Variants in LSM4 observed in about 807,000 individuals in gnomAD.
The protein encoded by LSM4 is U6 snRNA-associated Sm-like protein LSm4.
A neutral mutation model predicts 22.3 loss-of-function variants in LSM4; 15 were observed. That is an observed-to-expected ratio of 0.67 (90% CI 0.45 to 1.03). The LOEUF is 1.03. Ranked by LOEUF, LSM4 falls within the 50% of genes least tolerant of loss-of-function variation. The pLI is 0.00. For missense variants in LSM4, 127 were observed against 198.0 expected (o/e 0.64, Z 2.15); for synonymous variants, 90 against 79.8 (o/e 1.13, Z -0.68).
At chr19:18,321,474 G>A (rs917090308) in intron 1 of LSM4, among the ~76,000 whole-genome samples, 1 of 152,162 alleles carries the variant, frequency 6.6e-6, no homozygotes, top group African/African-American at 2.4e-5. Context: ...CCTAGGTATA[G>A]GCCAAACTAA....
chr19:18,322,419 G>A (rs1235086739), intron 1 of LSM4, among the ~76,000 whole-genome samples: 12 of 152,040 alleles, frequency 7.9e-5, no homozygotes, highest in Non-Finnish European at 1.2e-4. Flanking sequence ...TTTGTATTGG[G>A]AGGATGTACT....
At chr19:18,319,649 G>A (rs1281170401) in intron 1 of LSM4, among the ~76,000 whole-genome samples, 4 of 152,202 alleles carry the variant, frequency 2.6e-5, no homozygotes, top group Admixed American at 2.6e-4. Context: ...TAGAGTCAAG[G>A]CAGACAGGCT....
intron 2 of LSM4, 125 bp downstream of exon 2, chr19:18,315,899 G>C (rs891340293): frequency 5.1e-6 from 4 of 779,406 alleles, no homozygotes; most frequent in Middle Eastern, 3.5e-4. Flanking sequence ...CTCCTGGGGA[G>C]GGAGAAGAGA....
intron 1 of LSM4, among the ~76,000 whole-genome samples, chr19:18,317,582 C>T (rs994344530): frequency 3.3e-5 from 5 of 152,128 alleles, no homozygotes; most frequent in African/African-American, 4.8e-5. Context: ...CTCCTGACCC[C>T]GTGATCCGCC....
At chr19:18,312,253 A>C in intron 3 of LSM4, 1 of 235,518 alleles carries the variant, frequency 4.2e-6, no homozygotes, top group Non-Finnish European at 8.5e-6. Flanking sequence ...GAGTGCAGGC[A>C]ACATCCAGGC....
chr19:18,317,080 G>C (rs576483500), intron 1 of LSM4, among the ~76,000 whole-genome samples: 5 of 152,106 alleles, frequency 3.3e-5, no homozygotes, highest in Admixed American at 2.6e-4. Context: ...GAGTGCAGTG[G>C]TGTGATCTTG....
At position 18,306,599 on chromosome 19, in the gene LSM4, CA is replaced by C; in HGVS notation, c.*864del. The C allele has an allele frequency of 6.6e-6, 1 of 152,508 alleles. No individual in the cohort carries two copies. The highest frequency in any genetic ancestry group is 3.3e-3 in the Middle Eastern group (1 of 300). The allele number at this position is 152,508 out of a possible 1,614,324, so 9.4% of individuals were successfully genotyped here. A position where few individuals can be genotyped will look rare whatever the true frequency, so the allele number is the denominator to read the frequency against. On this transcript the variant is annotated 3_prime_UTR_variant, in exon 5 of 5. Transcript: ENST00000593829. ...CCACCCAGGAGGGGGTGATGGGGAC[CA>C]TGCGTGGCCCCTGCCTGGGACTTCC... is the stretch of plus-strand genomic sequence containing the variant.
intron 4 of LSM4, among the ~76,000 whole-genome samples, chr19:18,308,597 C>CAG (rs1229509858): frequency 6.6e-6 from 1 of 152,208 alleles, no homozygotes; most frequent in African/African-American, 2.4e-5. Context: ...CTGGGAGGCT[C>CAG]AGTCGTGGGC....
chr19:18,313,758 C>G (rs537819961), intron 2 of LSM4, among the ~76,000 whole-genome samples: 144 of 152,272 alleles, frequency 9.5e-4, no homozygotes, highest in African/African-American at 3.4e-3. Context: ...TCAAGTGATC[C>G]TCCTGTCTTG....
intron 1 of LSM4, among the ~76,000 whole-genome samples, chr19:18,316,987 G>A (rs1484815200): frequency 6.6e-6 from 1 of 152,064 alleles, no homozygotes; most frequent in Non-Finnish European, 1.5e-5. Context: ...GGGCACGGTG[G>A]TGCGCATCTG....
intron 1 of LSM4, among the ~76,000 whole-genome samples, chr19:18,318,481 G>A (rs79771695): frequency 2.6e-3 from 390 of 152,374 alleles, no homozygotes; most frequent in African/African-American, 6.2e-3. Flanking sequence ...GCGGCTGGGT[G>A]TGCATCTGAC....
chr19:18,319,013 C>T (rs1394887085), intron 1 of LSM4, among the ~76,000 whole-genome samples: 8 of 152,182 alleles, frequency 5.3e-5, no homozygotes, highest in Middle Eastern at 6.8e-3. Flanking sequence ...GAGGCTGAGG[C>T]GGGCAGATCA....
chr19:18,310,112 G>A lies in LSM4; in HGVS notation c.145-251C>T, dbSNP rs143529566. ...CGCAGCCCCCATTGTGCACTCACAA[G>A]GAAGACTGGCTCCTATCCTCTGCCC... On this transcript the variant is annotated intron_variant, in intron 3 of 4. Transcript: ENST00000593829. The A allele has an allele frequency of 5.0e-5, 26 of 520,764 alleles. No homozygotes were observed. The South Asian group carries it at 5.8e-4, about 12-fold the overall frequency. 32.3% of individuals were successfully genotyped at this position (520,764 alleles called of 1,614,324 possible). A position where few individuals can be genotyped will look rare whatever the true frequency, so the allele number is the denominator to read the frequency against.
At chr19:18,316,376 CTG>C (rs1970357335) in intron 1 of LSM4, 1 of 206,652 alleles carries the variant, frequency 4.8e-6, no homozygotes, top group Admixed American at 6.9e-5. Flanking sequence ...GAGTCTCGCT[CTG>C]TCACCCAGGC....
chr19:18,322,964 C>A lies in LSM4; in HGVS notation c.3+54G>T, dbSNP rs1455767497. The stretch of plus-strand genomic sequence containing the variant: ...CCACAGCGCCCGCCCGCAGGGATCC[C>A]AACGACTGCTGTTCCCGCCTCCCGG... On this transcript the variant is annotated intron_variant, in intron 1 of 4. Transcript: ENST00000593829. 7 of 1,587,592 alleles carry A rather than the reference C, an allele frequency of 4.4e-6. No homozygotes were observed. In the African/African-American group the frequency reaches 9.5e-5, roughly 22 times the overall value.
chr19:18,308,131 A>AG (rs1245698070), intron 4 of LSM4, among the ~76,000 whole-genome samples: 1 of 152,154 alleles, frequency 6.6e-6, no homozygotes, highest in African/African-American at 2.4e-5. Context: ...GAAGCCCCTG[A>AG]GGTGGGAGCA....
chr19:18,323,036 C>T lies in LSM4; in HGVS notation c.-16G>A, dbSNP rs771026511. The T allele has an allele frequency of 1.3e-6, 2 of 1,544,382 alleles. No homozygotes were observed. Among genetic ancestry groups the T allele is most frequent in the South Asian group, 1.2e-5 (1 of 84,618 alleles). On this transcript the variant is annotated 5_prime_UTR_variant, in exon 1 of 5. Coordinates refer to ENST00000593829, the MANE Select transcript of LSM4 (RefSeq NM_012321.5). ...CCCTCACCATGGTGCCGGCGGGGACCGGGCTCGCCGGCCACTTCCGCCGCC... is the reference window on the plus strand; with the variant it reads ...CCCTCACCATGGTGCCGGCGGGGACTGGGCTCGCCGGCCACTTCCGCCGCC...
intron 4 of LSM4, among the ~76,000 whole-genome samples, chr19:18,308,412 C>T (rs1970257576): frequency 6.6e-6 from 1 of 152,228 alleles, no homozygotes; most frequent in South Asian, 2.1e-4. Flanking sequence ...GTTTAGGGAG[C>T]CGTTTCAGAG....
chr19:18,313,209 C>T (rs537910765), intron 2 of LSM4, among the ~76,000 whole-genome samples: 3 of 152,242 alleles, frequency 2.0e-5, no homozygotes, highest in East Asian at 1.9e-4. Context: ...CGCACCACTG[C>T]ACTCCAGCCT....
Sources: allele counts gnomAD v4.1 joint callset (sites outside exome capture counted in the v4.1 genomes callset), GRCh38; gene constraint gnomAD v4.1.1; transcripts MANE v1.5; gene names NCBI Gene and HGNC (gene_info 2026-07-23, HGNC 2026-07-21).